Variants in PLPP7 observed in about 807,000 individuals in gnomAD.
PLPP7 encodes inactive phospholipid phosphatase 7.
PLPP7 carries 11 observed loss-of-function variants against 16.9 expected under a neutral mutation model. That is an observed-to-expected ratio of 0.65 (90% CI 0.41 to 1.08). The LOEUF (loss-of-function observed/expected upper bound fraction) is 1.08. Ranked by LOEUF, PLPP7 falls within the 50% of genes least tolerant of loss-of-function variation. PLPP7 has a pLI of 0.00. For synonymous variants in PLPP7, 174 were observed against 175.1 expected, an observed-to-expected ratio of 0.99 and a Z score of 0.05; for missense variants, 358 against 397.1, an observed-to-expected ratio of 0.90 and a Z score of 0.84.
At position 131,290,417 on chromosome 9, in the gene PLPP7, C is replaced by T. The variant is rs759741305; in HGVS notation, c.420C>T (p.Ala140=). 49 of 1,557,938 alleles carry T rather than the reference C, an allele frequency of 3.1e-5. No individual in the cohort carries two copies. The highest frequency in any genetic ancestry group is 1.5e-4 in the African/African-American group (11 of 73,968). The change falls in exon 1 of 2, where the codon GCC becomes GCT. Residue 140 remains alanine, a synonymous_variant. Coordinates refer to ENST00000372264, the MANE Select transcript of PLPP7 (RefSeq NM_032728.4). This position sits in a 1 kb window ranked among gnomAD's most constrained non-coding sequence, Gnocchi z 4.2. ...ILCLVKSSTL[A]GQEVLMNLLL... is the part of the protein sequence containing the mutation. ...GCCTGGTGAAGAGCAGCACACTGGC[C>T]GGCCAGGAGGTGCTCATGAATCTGC...
intron 1 of PLPP7, chr9:131,291,433 T>G (rs1314746511): frequency 8.8e-7 from 1 of 1,131,946 alleles, no homozygotes; most frequent in African/African-American, 1.6e-5. Context: ...AAAACACGTA[T>G]CTCCCTGCTC....
chr9:131,291,196 G>A lies in PLPP7; in HGVS notation c.451+748G>A, dbSNP rs577237062. ...CACCCAGAGGTGATGCCCAGCCCCC[G>A]TCCGGCCCACCCTTCGGGCACCACC... On this transcript the variant is annotated intron_variant, in intron 1 of 1. Transcript: ENST00000372264. 177 of 1,362,652 alleles carry A rather than the reference G, an allele frequency of 1.3e-4. No homozygotes were observed. The East Asian group carries it at 1.3e-3, about 10-fold the overall frequency. 84.4% of individuals were successfully genotyped at this position (1,362,652 alleles called of 1,614,324 possible).
At chr9:131,302,615 C>G (rs574588074) in intron 1 of PLPP7, among the ~76,000 whole-genome samples, 1 of 152,286 alleles carries the variant, frequency 6.6e-6, no homozygotes, top group South Asian at 2.1e-4. Flanking sequence ...AATTGGCAGG[C>G]AAGGGTAGAG....
chr9:131,305,088 TCA>T (rs1835839360), intron 1 of PLPP7, among the ~76,000 whole-genome samples: 1 of 151,918 alleles, frequency 6.6e-6, no homozygotes. Context: ...CCTCAAAGAG[TCA>T]CACACAGAGT....
At chr9:131,307,777 G>A in intron 1 of PLPP7, 146 bp from the exon 2 acceptor site, 1 of 802,790 alleles carries the variant, frequency 1.2e-6, no homozygotes, top group Non-Finnish European at 1.9e-6. Flanking sequence ...GCAACAGCCT[G>A]AGAGGGGACC....
At position 131,307,927 on chromosome 9, in the gene PLPP7, G is replaced by T; in HGVS notation, c.456G>T (p.Leu152=). 1 of 1,584,750 alleles carries T rather than the reference G, an allele frequency of 6.3e-7. No homozygotes were observed. The highest frequency in any genetic ancestry group is 8.5e-7 in the Non-Finnish European group (1 of 1,170,412). ...QEVLMNLLLA[L]LLDIMTVAGV... is the part of the protein sequence containing the mutation. ...GCCTCTGTCTCCCCCCAACAGCCCT[G>T]CTCCTGGACATCATGACGGTGGCCG... Residue 152 remains leucine (L), a synonymous_variant, in exon 2 of 2, where the codon CTG becomes CTT. Transcript: ENST00000372264.
intron 1 of PLPP7, chr9:131,291,266 C>T: frequency 7.7e-7 from 1 of 1,299,302 alleles, no homozygotes; most frequent in South Asian, 1.2e-5. Context: ...CCACGCCAGG[C>T]CCGCATCGAT....
Position 131,290,960 on chromosome 9 carries a change from G to T in PLPP7, c.451+512G>T, listed in dbSNP as rs1835667994. 2.4e-6 allele frequency: 2 copies of T among 828,558 alleles called. No individual in the cohort carries two copies. Among genetic ancestry groups the T allele is most frequent in the Non-Finnish European group, 1.8e-6 (1 of 552,166 alleles). The allele number at this position is 828,558 out of a possible 1,614,324, so 51.3% of individuals were successfully genotyped here. Reference sequence around the variant, plus strand: ...CCCAGGCTTCTTCCCCAGGGTCTGGGGACCCAGGGAGTTCCCCTGGGACTG... The same window carrying T: ...CCCAGGCTTCTTCCCCAGGGTCTGGTGACCCAGGGAGTTCCCCTGGGACTG... On this transcript the variant is annotated intron_variant, in intron 1 of 1. Coordinates refer to ENST00000372264, the MANE Select transcript of PLPP7 (RefSeq NM_032728.4). This position sits in a 1 kb window ranked among gnomAD's most constrained non-coding sequence, Gnocchi z 4.2.
chr9:131,290,354 G>C lies in PLPP7; in HGVS notation c.357G>C (p.Thr119=), dbSNP rs771064726. ...ARSMVKLIGI[T]GHGIPWIGGT... ...CCATGGTCAAGCTCATCGGCATCACGGGCCACGGCATCCCCTGGATCGGAG... is the reference window on the plus strand; with the variant it reads ...CCATGGTCAAGCTCATCGGCATCACCGGCCACGGCATCCCCTGGATCGGAG... Residue 119 remains threonine, a synonymous_variant, in exon 1 of 2, where the codon ACG becomes ACC. Coordinates refer to ENST00000372264, the MANE Select transcript of PLPP7 (RefSeq NM_032728.4). This position sits in a 1 kb window ranked among gnomAD's most constrained non-coding sequence, Gnocchi z 4.2. 5 of 1,609,418 alleles carry C rather than the reference G, an allele frequency of 3.1e-6. No homozygotes were observed. The highest frequency in any genetic ancestry group is 4.2e-6 in the Non-Finnish European group (5 of 1,178,218).
At chr9:131,292,773 GT>G (rs35490588) in intron 1 of PLPP7, 387,039 of 926,522 alleles carry the variant, frequency 0.42, 75,348 homozygotes, top group East Asian at 0.53. Context: ...GCTCTGCTTT[GT>G]TTTTTTTTTA....
At chr9:131,302,643 C>T (rs1016797883) in intron 1 of PLPP7, among the ~76,000 whole-genome samples, 2 of 152,202 alleles carry the variant, frequency 1.3e-5, no homozygotes, top group African/African-American at 4.8e-5. Flanking sequence ...TTCTCGAGGC[C>T]TTCAGGCCCC....
rs1223198937 is a variant in PLPP7, at chr9:131,307,969, C to G, written c.498C>G (p.Ile166Met). 9.4e-6 allele frequency: 15 copies of G among 1,598,492 alleles called. No individual in the cohort carries two copies. The highest frequency in any genetic ancestry group is 1.3e-5 in the Non-Finnish European group (15 of 1,178,834). Residue 166 changes from isoleucine (I) to methionine (M), a missense_variant, in exon 2 of 2, where the codon ATC becomes ATG. Physicochemically the swap from Ile to Met is conservative, Grantham distance 10 (BLOSUM62 1). Coordinates refer to ENST00000372264, the MANE Select transcript of PLPP7 (RefSeq NM_032728.4). ...IMTVAGVQKL[I>M]KRRGPYETSP... ...CGGTGGCCGGCGTGCAGAAGCTCAT[C>G]AAGCGGCGCGGCCCGTACGAGACGA... is the stretch of plus-strand genomic sequence containing the variant.
chr9:131,302,531 A>G (rs1362141791), intron 1 of PLPP7, among the ~76,000 whole-genome samples: 1 of 152,144 alleles, frequency 6.6e-6, no homozygotes, highest in Non-Finnish European at 1.5e-5. Context: ...CATGGTCAGC[A>G]CACGAGCTGG....
intron 1 of PLPP7, among the ~76,000 whole-genome samples, chr9:131,291,964 T>C (rs1422320532): frequency 2.0e-5 from 3 of 152,254 alleles, no homozygotes; most frequent in African/African-American, 7.2e-5. Context: ...ACGAGGTTGG[T>C]GCCATTATCA....
intron 1 of PLPP7, among the ~76,000 whole-genome samples, chr9:131,296,703 T>C (rs966495707): frequency 6.6e-6 from 1 of 152,226 alleles, no homozygotes; most frequent in African/African-American, 2.4e-5. Context: ...AATGCTAATG[T>C]GTGATGTGTT....
At chr9:131,305,003 A>G (rs1011703714) in intron 1 of PLPP7, among the ~76,000 whole-genome samples, 5 of 152,208 alleles carry the variant, frequency 3.3e-5, no homozygotes, top group African/African-American at 1.2e-4. Context: ...GAGTGCTCTG[A>G]GCTCCAGGGG....
chr9:131,294,033 T>C (rs954516909), intron 1 of PLPP7, among the ~76,000 whole-genome samples: 6 of 152,118 alleles, frequency 3.9e-5, no homozygotes, highest in Non-Finnish European at 8.8e-5. Context: ...CTACGAGGCC[T>C]AGGAAGGGTC....
chr9:131,308,002 C>T lies in PLPP7; in HGVS notation c.531C>T (p.Ser177=), dbSNP rs1312431897. The T allele has an allele frequency of 6.2e-7, 1 of 1,600,754 alleles. No individual in the cohort carries two copies. The highest frequency in any genetic ancestry group is 8.5e-7 in the Non-Finnish European group (1 of 1,179,756). ...KRRGPYETSP[S]LLDYLTMDIY... ...GCGGCCCGTACGAGACGAGCCCCAG[C>T]CTCCTGGACTACCTCACCATGGACA... is the stretch of plus-strand genomic sequence containing the variant. The change falls in exon 2 of 2, where the codon AGC becomes AGT. Residue 177 remains serine, a synonymous_variant. Coordinates refer to ENST00000372264, the MANE Select transcript of PLPP7 (RefSeq NM_032728.4).
chr9:131,297,338 C>T (rs1215012467), intron 1 of PLPP7, among the ~76,000 whole-genome samples: 1 of 151,878 alleles, frequency 6.6e-6, no homozygotes, highest in African/African-American at 2.4e-5. Flanking sequence ...GTGCTTTGCA[C>T]ACCACTGGTC....
Sources: gnomAD v4.1 joint callset for allele counts (sites outside exome capture counted in the v4.1 genomes callset) on GRCh38, gnomAD v4.1.1 for gene constraint, Gnocchi (gnomAD v3.1) non-coding constraint, MANE v1.5 for transcripts, NCBI Gene and HGNC (gene_info 2026-07-23, HGNC 2026-07-21) for gene names.